The following TMCC1 variants were observed in gnomAD, a reference collection of about 807,000 sequenced individuals.
TMCC1 encodes transmembrane and coiled-coil domains protein 1.
A neutral mutation model predicts 52.4 loss-of-function variants in TMCC1; 15 were observed. That is an observed-to-expected ratio of 0.29 (90% CI 0.19 to 0.44). The LOEUF (loss-of-function observed/expected upper bound fraction) is 0.44. TMCC1 is among the 20% of genes least tolerant of loss of function. TMCC1 has a pLI of 1.00. For synonymous variants in TMCC1, 279 were observed against 301.9 expected, an observed-to-expected ratio of 0.92 and a Z score of 0.79; for missense variants, 503 against 806.0, an observed-to-expected ratio of 0.62 and a Z score of 4.55.
intron 4 of TMCC1, among the ~76,000 whole-genome samples, chr3:129,723,080 ATCAACTAAAAAATGGCAAGG>A (rs2049760078): frequency 6.6e-6 from 1 of 152,212 alleles, no homozygotes; most frequent in Non-Finnish European, 1.5e-5. Flanking sequence ...CATTTATAAG[ATCAACTAAAAAATGGCAAGG>A]TCAACTAAAA....
At chr3:129,877,542 A>G (rs1415487082) in intron 2 of TMCC1, among the ~76,000 whole-genome samples, 3 of 151,876 alleles carry the variant, frequency 2.0e-5, no homozygotes, top group Non-Finnish European at 1.5e-5. Context: ...TTTTAACAAT[A>G]CCCAGAGGTA....
chr3:129,818,436 T>C (rs2058224992), intron 4 of TMCC1, among the ~76,000 whole-genome samples: 1 of 146,348 alleles, frequency 6.8e-6, no homozygotes, highest in African/African-American at 2.5e-5. Context: ...AAAGAAACTT[T>C]TAAAGAAAAG....
At chr3:129,752,191 C>G (rs2052586039) in intron 4 of TMCC1, among the ~76,000 whole-genome samples, 1 of 152,166 alleles carries the variant, frequency 6.6e-6, no homozygotes. Context: ...GAAATGGCAT[C>G]AGCAGAATGT....
rs773506311 is a variant in TMCC1, at chr3:129,670,637, C to G, written c.1204G>C (p.Gly402Arg). Residue 402 changes from glycine (G) to arginine (R), a missense_variant, in exon 5 of 7, where the codon GGG becomes CGG. This residue lies in a region of TMCC1 where 38 missense variants were observed against 29.8 expected (regional missense o/e 1.28). Coordinates refer to ENST00000393238, the MANE Select transcript of TMCC1 (RefSeq NM_001017395.5). ...TTTGAAATCACTCCCAAAGCCTTCCCCGCATCATCCACTTGCCCTTCCTCT... is the reference window on the plus strand; with the variant it reads ...TTTGAAATCACTCCCAAAGCCTTCCGCGCATCATCCACTTGCCCTTCCTCT... ...SLEEGQVDDA[G>R]KALGVISNFQ... is the part of the protein sequence containing the mutation. The G allele has an allele frequency of 6.2e-7, 1 of 1,614,216 alleles. No individual in the cohort carries two copies. Among genetic ancestry groups the G allele is most frequent in the Non-Finnish European group, 8.5e-7 (1 of 1,180,030 alleles).
intron 4 of TMCC1, among the ~76,000 whole-genome samples, chr3:129,735,446 C>T (rs2050876048): frequency 6.6e-6 from 1 of 151,754 alleles, no homozygotes; most frequent in African/African-American, 2.4e-5. Flanking sequence ...AGTTTGAGAC[C>T]AGCCTTGGCA....
chr3:129,821,506 C>T (rs1410146987), intron 4 of TMCC1, among the ~76,000 whole-genome samples: 1 of 152,074 alleles, frequency 6.6e-6, no homozygotes, highest in Non-Finnish European at 1.5e-5. Flanking sequence ...ATACTATCAA[C>T]TACATGGAAA....
intron 4 of TMCC1, among the ~76,000 whole-genome samples, chr3:129,703,262 A>G (rs767441437): frequency 2.0e-5 from 3 of 152,240 alleles, no homozygotes; most frequent in Non-Finnish European, 2.9e-5. Flanking sequence ...GTGAAAACAG[A>G]TATGATAGAT....
intron 4 of TMCC1, among the ~76,000 whole-genome samples, chr3:129,707,337 T>C (rs757660335): frequency 6.6e-6 from 1 of 152,208 alleles, no homozygotes; most frequent in Non-Finnish European, 1.5e-5. Context: ...CAAATGAGAA[T>C]TGAAAGGGAC....
chr3:129,678,650 G>A lies in TMCC1; in HGVS notation c.577-7386C>T, dbSNP rs558233880. Among the ~76,000 whole-genome samples, 20 of 152,006 alleles carry A rather than the reference G, an allele frequency of 1.3e-4. No homozygotes were observed. In the South Asian group the frequency reaches 2.3e-3, roughly 17 times the overall value. ...GCTGGGATTACAGGTGTGAGCCACCGTGCCCGGCCTCATTGTTTAATTCTT... is the reference window on the plus strand; with the variant it reads ...GCTGGGATTACAGGTGTGAGCCACCATGCCCGGCCTCATTGTTTAATTCTT... On this transcript the variant is annotated intron_variant, in intron 4 of 6. Transcript: ENST00000393238.
At position 129,808,920 on chromosome 3, in the gene TMCC1, GGAA is replaced by G. The variant is rs1170732047; in HGVS notation, c.576+18880_576+18882del. Among the ~76,000 whole-genome samples the G allele has an allele frequency of 4.9e-4, 11 of 22,264 alleles. No homozygotes were observed. The East Asian group carries it at 0.049, about 100-fold the overall frequency. The allele number at this position is 22,264 out of a possible 152,430, so 14.6% of individuals were successfully genotyped here. A position where few individuals can be genotyped will look rare whatever the true frequency, so the allele number is the denominator to read the frequency against. On this transcript the variant is annotated intron_variant, in intron 4 of 6. Transcript: ENST00000393238. ...AAATTTTACTTGGGTTAGATATGCT[GGAA>G]AAAAAAAAAAAAAAACAAAGAAACT...
intron 4 of TMCC1, among the ~76,000 whole-genome samples, chr3:129,746,256 C>G (rs2051953945): frequency 6.6e-6 from 1 of 152,010 alleles, no homozygotes; most frequent in Admixed American, 6.6e-5. Context: ...CTGCAACCTC[C>G]ACCCCCCAGC....
intron 5 of TMCC1, 132 bp downstream of exon 5, chr3:129,670,198 T>A: frequency 2.3e-6 from 2 of 871,010 alleles, no homozygotes; most frequent in Non-Finnish European, 1.7e-6. Context: ...CTCATGTGGA[T>A]GTCTTATGAC....
chr3:129,822,205 T>G (rs928122925), intron 4 of TMCC1, among the ~76,000 whole-genome samples: 2 of 152,224 alleles, frequency 1.3e-5, no homozygotes, highest in Non-Finnish European at 2.9e-5. Context: ...GGGATTAAAA[T>G]AACTTTAGGG....
At chr3:129,815,398 AAACAC>A (rs2107803197) in intron 4 of TMCC1, among the ~76,000 whole-genome samples, 1 of 152,318 alleles carries the variant, frequency 6.6e-6, no homozygotes, top group East Asian at 1.9e-4. Flanking sequence ...ACTGGCATAA[AAACAC>A]ACAGACCAAT....
At chr3:129,892,715 A>T (rs1252494157) in intron 1 of TMCC1, 1 of 152,234 alleles carries the variant, frequency 6.6e-6, no homozygotes, top group Non-Finnish European at 1.5e-5. Context: ...ACTCCGTGGC[A>T]GATTCACCTG....
chr3:129,859,673 C>T (rs985775790), intron 2 of TMCC1, among the ~76,000 whole-genome samples: 1 of 151,592 alleles, frequency 6.6e-6, no homozygotes, highest in African/African-American at 2.4e-5. Context: ...CACACACACA[C>T]ACACACACAC....
chr3:129,766,938 G>A (rs771455204), intron 4 of TMCC1, among the ~76,000 whole-genome samples: 54 of 150,880 alleles, frequency 3.6e-4, no homozygotes, highest in Non-Finnish European at 6.5e-4. Flanking sequence ...TAAATCTTAT[G>A]ATAAATTGTT....
intron 4 of TMCC1, among the ~76,000 whole-genome samples, chr3:129,702,490 C>T (rs2047911940): frequency 6.6e-6 from 1 of 152,140 alleles, no homozygotes; most frequent in Non-Finnish European, 1.5e-5. Flanking sequence ...AAAACTACCA[C>T]TTGAAAGTAA....
intron 4 of TMCC1, among the ~76,000 whole-genome samples, chr3:129,683,281 C>T (rs1460598106): frequency 6.6e-6 from 1 of 152,224 alleles, no homozygotes; most frequent in African/African-American, 2.4e-5. Flanking sequence ...CACCACTGGT[C>T]TATGAGTATT....
Sources: allele counts gnomAD v4.1 joint callset (sites outside exome capture counted in the v4.1 genomes callset), GRCh38; gene constraint gnomAD v4.1.1; regional missense constraint gnomAD v4.1.1; transcripts MANE v1.5; gene names NCBI Gene and HGNC (gene_info 2026-07-23, HGNC 2026-07-21).